TSPEAR: variants seen among roughly 807,000 people sequenced by gnomAD.
TSPEAR encodes thrombospondin type laminin G domain and EAR repeats, also known as thrombospondin-type laminin G domain and EAR repeat-containing protein.
A neutral mutation model predicts 71.6 loss-of-function variants in TSPEAR; 69 were observed. The observed-to-expected ratio is 0.96, with a 90% confidence interval of 0.79 to 1.18. TSPEAR has a LOEUF of 1.18. Among genes scored for constraint, TSPEAR ranks in the 50% most tolerant of loss-of-function variants. The pLI is 0.00. For synonymous variants in TSPEAR, 402 were observed against 387.2 expected (o/e 1.04, Z -0.45); for missense variants, 971 against 894.9 (o/e 1.09, Z -1.09).
intron 9 of TSPEAR, chr21:44,519,033 T>G (rs2052674098): frequency 1.7e-5 from 3 of 179,780 alleles, no homozygotes; most frequent in Non-Finnish European, 3.5e-5. Context: ...TTTTGTTGTT[T>G]TTTTTTTGTT....
chr21:44,500,095 G>C (rs2052001101), intron 11 of TSPEAR, among the ~76,000 whole-genome samples, 159 bp from the exon 12 acceptor site: 2 of 152,214 alleles, frequency 1.3e-5, no homozygotes, highest in African/African-American at 4.8e-5. Flanking sequence ...TCGATTCTGG[G>C]CCATGAGGGC....
chr21:44,584,455 C>T (rs1979209662), intron 1 of TSPEAR, among the ~76,000 whole-genome samples: 1 of 152,178 alleles, frequency 6.6e-6, no homozygotes, highest in African/African-American at 2.4e-5. Flanking sequence ...TACAAGATTG[C>T]TCATCACATG....
intron 1 of TSPEAR, among the ~76,000 whole-genome samples, chr21:44,645,588 G>A (rs1255902332): frequency 1.1e-4 from 17 of 151,726 alleles, no homozygotes; most frequent in Non-Finnish European, 7.4e-5. Flanking sequence ...TCCTGACCTC[G>A]TGATCCACCC....
chr21:44,539,275 G>A (rs781905558), intron 2 of TSPEAR: 24 of 1,599,940 alleles, frequency 1.5e-5, no homozygotes, highest in Middle Eastern at 1.8e-4. Context: ...CCCATCAGCA[G>A]CTGGACTCCT....
Position 44,608,420 on chromosome 21 carries a change from G to A in TSPEAR, c.83-40415C>T, listed in dbSNP as rs781820566. Among the ~76,000 whole-genome samples the A allele has an allele frequency of 1.2e-4, 19 of 152,280 alleles. 1 individual carries two copies. Among genetic ancestry groups the A allele is most frequent in the Non-Finnish European group, 1.9e-4 (13 of 68,036 alleles). On this transcript the variant is annotated intron_variant, in intron 1 of 11. Coordinates refer to ENST00000323084, the MANE Select transcript of TSPEAR (RefSeq NM_144991.3). Reference sequence around the variant, plus strand: ...GGGTTGGGAGCATTCACACGTGGACGTTGGCAAATGCAACCAATTGGGACT... The same window carrying A: ...GGGTTGGGAGCATTCACACGTGGACATTGGCAAATGCAACCAATTGGGACT...
Position 44,612,997 on chromosome 21 carries a change from TC to T in TSPEAR, c.83-44993del. The stretch of plus-strand genomic sequence containing the variant: ...CTACCTGGGATGGGGTCTCCATGTC[TC>T]CCCTGTGCTGAGGTGACCTCTCCCT... On this transcript the variant is annotated intron_variant, in intron 1 of 11. Coordinates refer to ENST00000323084, the MANE Select transcript of TSPEAR (RefSeq NM_144991.3). The surrounding 1 kb of genome is among the most constrained non-coding windows in gnomAD (Gnocchi z 4.1). 6.9e-7 allele frequency: 1 copy of T among 1,439,260 alleles called. No individual in the cohort carries two copies. Among genetic ancestry groups the T allele is most frequent in the Non-Finnish European group, 9.4e-7 (1 of 1,058,446 alleles). 89.2% of individuals were successfully genotyped at this position (1,439,260 alleles called of 1,614,324 possible).
chr21:44,583,466 T>C (rs1277891578), intron 1 of TSPEAR, among the ~76,000 whole-genome samples: 1 of 152,230 alleles, frequency 6.6e-6, no homozygotes, highest in Non-Finnish European at 1.5e-5. Flanking sequence ...AAGCCGGTGT[T>C]GGCTGGTTTG....
intron 2 of TSPEAR, chr21:44,558,614 G>C: frequency 6.2e-7 from 1 of 1,606,280 alleles, no homozygotes; most frequent in Non-Finnish European, 8.5e-7. Context: ...CGCAGCAGCT[G>C]GTGGCGCAGC....
At chr21:44,523,042 G>A (rs2052766568) in intron 8 of TSPEAR, among the ~76,000 whole-genome samples, 1 of 152,142 alleles carries the variant, frequency 6.6e-6, no homozygotes, top group Admixed American at 6.5e-5. Context: ...AGTCAGTCAG[G>A]TAGTTTGTCA....
rs879978235 is a variant in TSPEAR at position 44,597,433 on chromosome 21, T to TTTC, written c.83-29429_83-29428insGAA. Reference sequence around the variant, plus strand: ...TGCTCTTTTTCTTTTTCTTTCTTTCTTTTCTTTTTTTTTTTTTTGATGGAG... The same window carrying TTTC: ...TGCTCTTTTTCTTTTTCTTTCTTTCTTTCTTTCTTTTTTTTTTTTTTGATGGAG... On this transcript the variant is annotated intron_variant, in intron 1 of 11. Coordinates refer to ENST00000323084, the MANE Select transcript of TSPEAR (RefSeq NM_144991.3). Among the ~76,000 whole-genome samples the TTTC allele has an allele frequency of 3.5e-3, 493 of 141,088 alleles. 1 individual carries two copies. Among genetic ancestry groups the TTTC allele is most frequent in the Admixed American group, 6.7e-3 (99 of 14,680 alleles). The allele number at this position is 141,088 out of a possible 152,430, so 92.6% of individuals were successfully genotyped here.
intron 9 of TSPEAR, chr21:44,518,657 G>C: frequency 4.2e-6 from 2 of 470,684 alleles, no homozygotes; most frequent in Non-Finnish European, 8.8e-6. Flanking sequence ...AAGACCCCCT[G>C]GAGGCCCGCC....
intron 1 of TSPEAR, among the ~76,000 whole-genome samples, chr21:44,663,316 G>T (rs1320280378): frequency 6.6e-6 from 1 of 151,908 alleles, no homozygotes; most frequent in Non-Finnish European, 1.5e-5. Context: ...CATGATACAG[G>T]AATGATGTAA....
At chr21:44,617,170 G>C (rs233265) in intron 1 of TSPEAR, among the ~76,000 whole-genome samples, 139,221 of 152,272 alleles carry the variant, frequency 0.91, 63,770 homozygotes, top group Non-Finnish European at 0.95. Flanking sequence ...TCCTCTAGCA[G>C]TTGCACTGAC....
At chr21:44,549,569 TAA>T (rs1214193977) in intron 2 of TSPEAR, among the ~76,000 whole-genome samples, 4 of 152,214 alleles carry the variant, frequency 2.6e-5, no homozygotes, top group Non-Finnish European at 5.9e-5. Flanking sequence ...TGTGGAGAAG[TAA>T]AGACTCAGGG....
At chr21:44,628,287 C>T (rs1196399698) in intron 1 of TSPEAR, 8 of 392,384 alleles carry the variant, frequency 2.0e-5, no homozygotes, top group East Asian at 3.5e-5. Context: ...CTCCGCTGGT[C>T]GCTGGTTGGG....
chr21:44,674,687 C>T (rs1986218117), intron 1 of TSPEAR, among the ~76,000 whole-genome samples: 1 of 150,786 alleles, frequency 6.6e-6, no homozygotes, highest in African/African-American at 2.4e-5. Flanking sequence ...ACGACTGGGT[C>T]ATTGCACTCC....
intron 1 of TSPEAR, among the ~76,000 whole-genome samples, chr21:44,688,173 T>A (rs999403804): frequency 1.4e-5 from 2 of 147,224 alleles, no homozygotes; most frequent in Non-Finnish European, 3.0e-5. Context: ...CTTTGGAGAA[T>A]TGGGCTATGA....
chr21:44,652,263 G>A (rs1338498960), intron 1 of TSPEAR, among the ~76,000 whole-genome samples: 5 of 152,196 alleles, frequency 3.3e-5, no homozygotes, highest in South Asian at 2.1e-4. Flanking sequence ...GATGACAGGC[G>A]TGAGCCACCG....
At chr21:44,621,185 C>T (rs1982407600) in intron 1 of TSPEAR, among the ~76,000 whole-genome samples, 2 of 152,128 alleles carry the variant, frequency 1.3e-5, no homozygotes, top group Non-Finnish European at 2.9e-5. Context: ...AGATTTATGT[C>T]ATTTTTCAAG....
Sources: allele counts gnomAD v4.1 joint callset (sites outside exome capture counted in the v4.1 genomes callset), GRCh38; gene constraint gnomAD v4.1.1; non-coding constraint Gnocchi (gnomAD v3.1); transcripts MANE v1.5; gene names NCBI Gene and HGNC (gene_info 2026-07-23, HGNC 2026-07-21).